STAMBP: variants seen among roughly 807,000 people sequenced by gnomAD.
STAMBP encodes STAM binding protein, also known as STAM-binding protein.
A neutral mutation model predicts 50.7 loss-of-function variants in STAMBP; 31 were observed. The ratio of observed to expected loss-of-function variants is 0.61; its 90% CI spans 0.46 to 0.83. The LOEUF (loss-of-function observed/expected upper bound fraction) is 0.83. Ranked by LOEUF, STAMBP falls within the 40% of genes least tolerant of loss-of-function variation. The pLI, the probability that STAMBP is intolerant of heterozygous loss-of-function variation, is 0.00. For missense variants in STAMBP, 472 were observed against 518.9 expected (o/e 0.91, Z 0.88); for synonymous variants, 211 against 192.4 (o/e 1.10, Z -0.80).
rs1364754753 is a variant in STAMBP at position 73,863,805 on chromosome 2, AC to A, written c.*1548del. The A allele has an allele frequency of 6.6e-6, 1 of 151,926 alleles. No homozygotes were observed. The highest frequency in any genetic ancestry group is 1.5e-5 in the Non-Finnish European group (1 of 68,008). The allele number at this position is 151,926 out of a possible 1,614,324, so 9.4% of individuals were successfully genotyped here. A position where few individuals can be genotyped will look rare whatever the true frequency, so the allele number is the denominator to read the frequency against. ...CTACCACTTAGCTTAGGGCTTTCTTACCTTTTATTTCGACTGTAGCCGTTGG... is the reference window on the plus strand; with the variant it reads ...CTACCACTTAGCTTAGGGCTTTCTTACTTTTATTTCGACTGTAGCCGTTGG... On this transcript the variant is annotated 3_prime_UTR_variant, in exon 10 of 10. Transcript: ENST00000394070.
chr2:73,854,367 C>T (rs1677277907), intron 7 of STAMBP, among the ~76,000 whole-genome samples: 1 of 152,194 alleles, frequency 6.6e-6, no homozygotes. Flanking sequence ...GTACAGACTT[C>T]AGGTAGAACT....
chr2:73,843,716 T>C (rs7609273), intron 2 of STAMBP, among the ~76,000 whole-genome samples: 10,132 of 152,296 alleles, frequency 0.067, 671 homozygotes, highest in African/African-American at 0.16. Flanking sequence ...TGAGGACTTA[T>C]CTTTAGAAAG....
chr2:73,843,586 A>G (rs943377313), intron 2 of STAMBP, among the ~76,000 whole-genome samples: 1 of 151,920 alleles, frequency 6.6e-6, no homozygotes, highest in African/African-American at 2.4e-5. Flanking sequence ...TATCTTCTTC[A>G]TGAACCCAAA....
Position 73,837,677 on chromosome 2 carries a change from A to C in STAMBP, c.203+6618A>C, listed in dbSNP as rs773115513. Among the ~76,000 whole-genome samples the C allele has an allele frequency of 2.0e-5, 3 of 151,944 alleles. No individual in the cohort carries two copies. The South Asian group carries it at 6.2e-4, about 31-fold the overall frequency. ...ATTTTTGAAAACTGTTTTTCCATAA[A>C]ATTGGGGTATTCTTGGTAATCCTTT... On this transcript the variant is annotated intron_variant, in intron 2 of 9. Transcript: ENST00000394070.
intron 2 of STAMBP, among the ~76,000 whole-genome samples, chr2:73,833,234 C>T (rs1674183700): frequency 6.6e-6 from 1 of 152,222 alleles, no homozygotes; most frequent in South Asian, 2.1e-4. Flanking sequence ...ATTTGTTACA[C>T]TTGTAACCTA....
chr2:73,862,444 A>G lies in STAMBP; in HGVS notation c.*185A>G, dbSNP rs1268038319. On this transcript the variant is annotated 3_prime_UTR_variant, in exon 10 of 10. Coordinates refer to ENST00000394070, the MANE Select transcript of STAMBP (RefSeq NM_213622.4). ...AATAACTGAACATATTTTTTAGGCA[A>G]GTCAGAAAGAGAACATGGTCACCCA... 6.9e-6 allele frequency: 3 copies of G among 431,888 alleles called. No homozygotes were observed. The highest frequency in any genetic ancestry group is 1.2e-5 in the Non-Finnish European group (3 of 243,578). 26.8% of individuals were successfully genotyped at this position (431,888 alleles called of 1,614,324 possible). A position where few individuals can be genotyped will look rare whatever the true frequency, so the allele number is the denominator to read the frequency against.
intron 4 of STAMBP, among the ~76,000 whole-genome samples, chr2:73,847,062 A>G (rs561903482): frequency 1.3e-5 from 2 of 149,784 alleles, no homozygotes; most frequent in South Asian, 4.3e-4. Flanking sequence ...AGCCTGGGAA[A>G]CAGAATGAGA....
downstream of STAMBP, among the ~76,000 whole-genome samples, chr2:73,868,138 A>AC (rs1679038977): frequency 6.6e-6 from 1 of 151,884 alleles, no homozygotes; most frequent in East Asian, 1.9e-4. Context: ...AAAAAAAAAA[A>AC]AACCCAGAAA....
Position 73,863,598 on chromosome 2 carries a change from T to G in STAMBP, c.*1339T>G, listed in dbSNP as rs1678588201. ...CTTCTCTTGGGTTCTTAATTCCCCA[T>G]ATAGTGGAAATTCCTTCTTTGCTGT... On this transcript the variant is annotated 3_prime_UTR_variant, in exon 10 of 10. Coordinates refer to ENST00000394070, the MANE Select transcript of STAMBP (RefSeq NM_213622.4). 1 of 152,250 alleles carries G rather than the reference T, an allele frequency of 6.6e-6. No individual in the cohort carries two copies. The highest frequency in any genetic ancestry group is 2.1e-4 in the South Asian group (1 of 4,824). The allele number at this position is 152,250 out of a possible 1,614,324, so 9.4% of individuals were successfully genotyped here.
chr2:73,847,232 G>T (rs1676222234), intron 4 of STAMBP, among the ~76,000 whole-genome samples, 155 bp from the exon 5 acceptor site: 1 of 152,184 alleles, frequency 6.6e-6, no homozygotes, highest in South Asian at 2.1e-4. Flanking sequence ...CACTCCGTGG[G>T]TATAAAGATA....
chr2:73,837,584 C>CAA lies in STAMBP; in HGVS notation c.203+6552_203+6553dup, dbSNP rs56397494. ...TGGGCAACAGAGCGAGACTCCATCT[C>CAA]AAAAAAAAAAAAAAAAAAAAAAAAA... is the stretch of plus-strand genomic sequence containing the variant. On this transcript the variant is annotated intron_variant, in intron 2 of 9. Coordinates refer to ENST00000394070, the MANE Select transcript of STAMBP (RefSeq NM_213622.4). Among the ~76,000 whole-genome samples the CAA allele has an allele frequency of 1.6e-3, 67 of 40,910 alleles. 5 individuals carry two copies. The highest frequency in any genetic ancestry group is 4.1e-3 in the African/African-American group (51 of 12,526). The allele number at this position is 40,910 out of a possible 152,430, so 26.8% of individuals were successfully genotyped here.
intron 2 of STAMBP, among the ~76,000 whole-genome samples, chr2:73,840,082 A>G (rs989585474): frequency 6.6e-6 from 1 of 152,088 alleles, no homozygotes; most frequent in Admixed American, 6.5e-5. Flanking sequence ...CTTTCCTAGC[A>G]TACTTCTGTT....
At chr2:73,836,668 G>T (rs1416350002) in intron 2 of STAMBP, among the ~76,000 whole-genome samples, 1 of 152,260 alleles carries the variant, frequency 6.6e-6, no homozygotes, top group African/African-American at 2.4e-5. Flanking sequence ...GGGAGGGAGA[G>T]CAGTGGCCGC....
intron 1 of STAMBP, 29 bp from the exon 2 acceptor site, chr2:73,830,816 A>C: frequency 1.3e-6 from 2 of 1,572,746 alleles, no homozygotes; most frequent in Non-Finnish European, 1.7e-6. Flanking sequence ...GGGCAACGGT[A>C]TTGATGCCAT....
At chr2:73,843,566 G>A (rs933865362) in intron 2 of STAMBP, among the ~76,000 whole-genome samples, 4 of 151,900 alleles carry the variant, frequency 2.6e-5, no homozygotes, top group African/African-American at 9.7e-5. Flanking sequence ...ACCGCACCCA[G>A]CCTCTTTTAT....
At chr2:73,844,069 A>G (rs1675769994) in intron 2 of STAMBP, among the ~76,000 whole-genome samples, 1 of 152,180 alleles carries the variant, frequency 6.6e-6, no homozygotes, top group Non-Finnish European at 1.5e-5. Context: ...AGGTTACTGG[A>G]CTTTTATTTA....
rs1676776508 is a variant in STAMBP, at chr2:73,851,350, G to C, written c.1005+837G>C. On this transcript the variant is annotated intron_variant, in intron 7 of 9. Coordinates refer to ENST00000394070, the MANE Select transcript of STAMBP (RefSeq NM_213622.4). ...CTTATCTGCCAGGGCATACAAATTT[G>C]AGTAAGGTATGATTTTAGCCTCATG... is the stretch of plus-strand genomic sequence containing the variant. Among the ~76,000 whole-genome samples the C allele has an allele frequency of 2.0e-5, 3 of 152,212 alleles. No homozygotes were observed. The South Asian group carries it at 6.2e-4, about 32-fold the overall frequency.
rs572227316 is a variant in STAMBP, at chr2:73,858,155, T to G, written c.1006-1099T>G. 2.3e-4 allele frequency among the ~76,000 whole-genome samples: 32 copies of G among 142,000 alleles called. 2 individuals carry two copies. The South Asian group carries it at 7.1e-3, about 31-fold the overall frequency. 93.2% of individuals were successfully genotyped at this position (142,000 alleles called of 152,430 possible). On this transcript the variant is annotated intron_variant, in intron 7 of 9. Coordinates refer to ENST00000394070, the MANE Select transcript of STAMBP (RefSeq NM_213622.4). ...GTGCCACCACGCCTGGCTAATTGTT[T>G]TGTATTTTTTTTTTTTTTTTTTTTT...
At chr2:73,841,956 TTTTG>T (rs1675444160) in intron 2 of STAMBP, among the ~76,000 whole-genome samples, 1 of 152,152 alleles carries the variant, frequency 6.6e-6, no homozygotes, top group Admixed American at 6.6e-5. Context: ...GGGAGGTTTT[TTTTG>T]TTTGTTTTTT....
Sources: gnomAD v4.1 joint callset for allele counts (sites outside exome capture counted in the v4.1 genomes callset) on GRCh38, gnomAD v4.1.1 for gene constraint, MANE v1.5 for transcripts, NCBI Gene and HGNC (gene_info 2026-07-23, HGNC 2026-07-21) for gene names.